VGLL4: variants seen among roughly 807,000 people sequenced by gnomAD.
The protein encoded by VGLL4 is vestigial like family member 4.
In VGLL4, 7 loss-of-function variants were observed where a neutral mutation model predicts 21.0. The observed-to-expected ratio is 0.33, with a 90% confidence interval of 0.19 to 0.63. The LOEUF (loss-of-function observed/expected upper bound fraction) is 0.63. Ranked by LOEUF, VGLL4 falls within the 20% of genes least tolerant of loss-of-function variation. VGLL4 has a pLI of 0.78. For synonymous variants in VGLL4, 222 were observed against 173.2 expected (o/e 1.28, Z -2.21); for missense variants, 394 against 425.7 (o/e 0.93, Z 0.66).
intron 4 of VGLL4, 147 bp downstream of exon 4, chr3:11,559,185 C>T (rs1184768726): frequency 8.9e-6 from 12 of 1,346,838 alleles, no homozygotes; most frequent in East Asian, 2.5e-5. Context: ...CAACGCTAGG[C>T]GCACACTGGA....
In VGLL4 at chr3:11,573,304, A is replaced by AAAGG. The variant is rs1559870042; in HGVS notation, c.273-8289_273-8286dup. Among the ~76,000 whole-genome samples, 7 of 12,068 alleles carry AAAGG rather than the reference A, an allele frequency of 5.8e-4. 1 individual carries two copies. Among genetic ancestry groups the AAAGG allele is most frequent in the Non-Finnish European group, 1.0e-3 (7 of 6,894 alleles). The allele number at this position is 12,068 out of a possible 152,430, so 7.9% of individuals were successfully genotyped here. ...GAAAGAAAGAAAGAAAGAAAGAAAG[A>AAAGG]AAGGAAGGAAGGAAGAAAGAAAGAA... On this transcript the variant is annotated intron_variant, in intron 2 of 4. Transcript: ENST00000430365.
At chr3:11,623,754 T>C (rs1208248958) in intron 1 of VGLL4, among the ~76,000 whole-genome samples, 2 of 152,126 alleles carry the variant, frequency 1.3e-5, no homozygotes, top group African/African-American at 4.8e-5. Flanking sequence ...ATTTTCTTTT[T>C]TTTTTTTTGA....
chr3:11,719,979 G>A lies in VGLL4; in HGVS notation c.-14+415C>T, dbSNP rs1169062673. Among the ~76,000 whole-genome samples, 1 of 152,160 alleles carries A rather than the reference G, an allele frequency of 6.6e-6. No homozygotes were observed. The highest frequency in any genetic ancestry group is 1.5e-5 in the Non-Finnish European group (1 of 68,006). On this transcript the variant is annotated intron_variant, in intron 1 of 5. Coordinates refer to the VGLL4 transcript ENST00000273038. The surrounding 1 kb of genome is among the most constrained non-coding windows in gnomAD (Gnocchi z 4.0). ...CCCCGCCCCCGAGGCCCCGCCAGGG[G>A]ACACAGCGCCGTGCAAATGTACAAA...
chr3:11,647,384 C>T (rs951163256), upstream of VGLL4, among the ~76,000 whole-genome samples: 1 of 150,682 alleles, frequency 6.6e-6, no homozygotes, highest in African/African-American at 2.5e-5. Context: ...AATCTCCCTA[C>T]GATCCCATCC....
rs193048463 is a variant in VGLL4 at position 11,596,880 on chromosome 3, A to G, written c.272+4953T>C. 2.2e-3 allele frequency among the ~76,000 whole-genome samples: 330 copies of G among 152,330 alleles called. 2 individuals are homozygous for G. Among genetic ancestry groups the G allele is most frequent in the African/African-American group, 7.6e-3 (314 of 41,572 alleles). On this transcript the variant is annotated intron_variant, in intron 2 of 4. Coordinates refer to ENST00000430365, the MANE Select transcript of VGLL4 (RefSeq NM_001128219.3). The stretch of plus-strand genomic sequence containing the variant: ...AAAAACTATGTAATCCATAGTAACG[A>G]TAACACCTAGCACCTGGATCTGGGC...
intron 2 of VGLL4, among the ~76,000 whole-genome samples, chr3:11,655,652 G>A (rs1036982277): frequency 6.6e-6 from 1 of 152,240 alleles, no homozygotes; most frequent in African/African-American, 2.4e-5. Context: ...ACCCCACATA[G>A]GGTGGGGAGT....
At chr3:11,644,818 C>A (rs2075762027), upstream of VGLL4, among the ~76,000 whole-genome samples, 3 of 144,974 alleles carry the variant, frequency 2.1e-5, no homozygotes. Context: ...TGCACTCCAG[C>A]CTGGGCAACA....
intron 2 of VGLL4, among the ~76,000 whole-genome samples, chr3:11,592,865 G>A (rs1009541870): frequency 1.3e-5 from 2 of 152,136 alleles, no homozygotes; most frequent in African/African-American, 4.8e-5. Context: ...CATGAAGCAC[G>A]CAGCACAGTG....
chr3:11,630,641 C>T (rs960244824), intron 1 of VGLL4, among the ~76,000 whole-genome samples: 3 of 151,830 alleles, frequency 2.0e-5, no homozygotes, highest in South Asian at 2.1e-4. Context: ...AGTGAAACTC[C>T]GTCTCAAAAA....
In VGLL4 at chr3:11,637,192, G is replaced by A. The variant is rs374502998; in HGVS notation, c.82+6245C>T. On this transcript the variant is annotated intron_variant, in intron 1 of 4. Transcript: ENST00000430365. Reference sequence around the variant, plus strand: ...TCAAAAGATAATACCTGGAAGGGGCGATTTACTATTTCTTGACCTGGCCAT... The same window carrying A: ...TCAAAAGATAATACCTGGAAGGGGCAATTTACTATTTCTTGACCTGGCCAT... Among the ~76,000 whole-genome samples, 39 of 152,250 alleles carry A rather than the reference G, an allele frequency of 2.6e-4. 1 individual carries two copies. The South Asian group carries it at 7.5e-3, about 29-fold the overall frequency.
intron 2 of VGLL4, among the ~76,000 whole-genome samples, chr3:11,692,495 C>T (rs920066738): frequency 1.3e-5 from 2 of 152,182 alleles, no homozygotes; most frequent in African/African-American, 4.8e-5. Context: ...AGGGAAGCAA[C>T]TGAAAGCGCC....
chr3:11,574,367 G>A (rs1160850061), intron 2 of VGLL4, among the ~76,000 whole-genome samples: 1 of 152,180 alleles, frequency 6.6e-6, no homozygotes, highest in Admixed American at 6.5e-5. Flanking sequence ...TGTCCTGTAT[G>A]CCTGTCATCC....
rs183017380 is a variant in VGLL4, at chr3:11,687,681, C to T, written c.64+15290G>A. On this transcript the variant is annotated intron_variant, in intron 2 of 5. Transcript: ENST00000273038. ...AGATAATATTGATTTTTACATATCA[C>T]TCTTATAACCAGCTGCCTTAATTAA... 1.6e-4 allele frequency among the ~76,000 whole-genome samples: 25 copies of T among 152,266 alleles called. No homozygotes were observed. The East Asian group carries it at 4.2e-3, about 26-fold the overall frequency.
intron 1 of VGLL4, among the ~76,000 whole-genome samples, chr3:11,618,752 G>A (rs2125296982): frequency 6.6e-6 from 1 of 152,290 alleles, no homozygotes; most frequent in South Asian, 2.1e-4. Flanking sequence ...AATTTAATGT[G>A]TTTCCTAAAC....
chr3:11,704,897 C>A (rs955735076), intron 1 of VGLL4, among the ~76,000 whole-genome samples: 1 of 152,174 alleles, frequency 6.6e-6, no homozygotes, highest in African/African-American at 2.4e-5. Flanking sequence ...CAGATGAATT[C>A]TGAAAGGCTT....
At chr3:11,581,865 T>A (rs953160249) in intron 2 of VGLL4, among the ~76,000 whole-genome samples, 1 of 152,258 alleles carries the variant, frequency 6.6e-6, no homozygotes, top group African/African-American at 2.4e-5. Flanking sequence ...AAGCACCTTG[T>A]ACTCCCCGAA....
At chr3:11,643,329 C>CT (rs1299823761) in intron 1 of VGLL4, 108 bp downstream of exon 1, 1 of 1,570,944 alleles carries the variant, frequency 6.4e-7, no homozygotes, top group African/African-American at 1.4e-5. Context: ...TTCAAGTGCC[C>CT]TACACCCCGG....
chr3:11,677,689 C>T (rs867767658), intron 2 of VGLL4, among the ~76,000 whole-genome samples: 33 of 151,998 alleles, frequency 2.2e-4, no homozygotes, highest in African/African-American at 7.2e-4. Context: ...ACCTGTAATC[C>T]CAGCACTTTG....
At chr3:11,676,041 C>G (rs2076283879) in intron 2 of VGLL4, among the ~76,000 whole-genome samples, 2 of 152,166 alleles carry the variant, frequency 1.3e-5, no homozygotes, top group Non-Finnish European at 2.9e-5. Context: ...TCAAAAACCA[C>G]AGAGAGCCAA....
Sources: allele counts gnomAD v4.1 joint callset (sites outside exome capture counted in the v4.1 genomes callset), GRCh38; gene constraint gnomAD v4.1.1; non-coding constraint Gnocchi (gnomAD v3.1); transcripts MANE v1.5; gene names NCBI Gene and HGNC (gene_info 2026-07-23, HGNC 2026-07-21).